Variants in PRKN observed in about 807,000 individuals in gnomAD.
PRKN encodes parkin RBR E3 ubiquitin protein ligase.
A neutral mutation model predicts 59.5 loss-of-function variants in PRKN; 56 were observed. The ratio of observed to expected loss-of-function variants is 0.94; its 90% CI spans 0.76 to 1.18. The LOEUF is 1.18. PRKN is among the 50% of genes most tolerant of loss of function. PRKN has a pLI of 0.00. For missense variants in PRKN, 657 were observed against 596.4 expected (o/e 1.10, Z -1.06); for synonymous variants, 250 against 222.1 (o/e 1.13, Z -1.12).
rs957116335 is a variant in PRKN at position 161,379,290 on chromosome 6, G to A, written c.1167+7504C>T. On this transcript the variant is annotated intron_variant, in intron 10 of 11. Coordinates refer to ENST00000366898, the MANE Select transcript of PRKN (RefSeq NM_004562.3). This position sits in a 1 kb window ranked among gnomAD's most constrained non-coding sequence, Gnocchi z 4.9. ...ACCCCACCAGGTAAGCCACCTAGAG[G>A]TCTTCTCTAAGGGCGAGGGGAATCT... Among the ~76,000 whole-genome samples, 1 of 152,152 alleles carries A rather than the reference G, an allele frequency of 6.6e-6. No individual in the cohort carries two copies. The highest frequency in any genetic ancestry group is 6.5e-5 in the Admixed American group (1 of 15,278).
intron 1 of PRKN, among the ~76,000 whole-genome samples, chr6:162,610,529 T>C (rs191868170): frequency 4.6e-5 from 7 of 152,320 alleles, no homozygotes; most frequent in Admixed American, 2.6e-4. Flanking sequence ...TAAAACCATT[T>C]ATACACAAAT....
chr6:162,568,827 G>A lies in PRKN; in HGVS notation c.8-125354C>T, dbSNP rs548699522. On this transcript the variant is annotated intron_variant, in intron 1 of 11. Coordinates refer to ENST00000366898, the MANE Select transcript of PRKN (RefSeq NM_004562.3). ...GCTTGGCAACATGCAGGGGCTGGTG[G>A]AGGACTTTAAGAACAAGTACAAGGA... The A allele has an allele frequency of 6.3e-5, 46 of 728,450 alleles. 1 individual carries two copies. Among genetic ancestry groups the A allele is most frequent in the Non-Finnish European group, 9.6e-5 (38 of 396,548 alleles). 45.1% of individuals were successfully genotyped at this position (728,450 alleles called of 1,614,324 possible). A position where few individuals can be genotyped will look rare whatever the true frequency, so the allele number is the denominator to read the frequency against.
chr6:161,350,438 C>G (rs980863281), intron 11 of PRKN, among the ~76,000 whole-genome samples: 6 of 151,348 alleles, frequency 4.0e-5, no homozygotes, highest in Non-Finnish European at 1.5e-5. Context: ...AAGCATGTCA[C>G]TTTTGTCGGG....
chr6:161,465,340 C>T (rs1790413296), intron 9 of PRKN, among the ~76,000 whole-genome samples: 1 of 152,112 alleles, frequency 6.6e-6, no homozygotes, highest in South Asian at 2.1e-4. Context: ...GTTCCTCATT[C>T]CTTCGTACAG....
intron 9 of PRKN, among the ~76,000 whole-genome samples, chr6:161,392,504 CCT>C (rs67425763): frequency 2.3e-3 from 327 of 145,024 alleles, no homozygotes; most frequent in East Asian, 9.0e-3. Flanking sequence ...ATAGTTCAAA[CCT>C]CTCTCTCTCT....
intron 2 of PRKN, chr6:162,264,819 T>C (rs1455114393): frequency 6.6e-6 from 1 of 152,142 alleles, no homozygotes; most frequent in East Asian, 1.9e-4. Context: ...CTCATTATCC[T>C]CCCATGTTTT....
intron 5 of PRKN, among the ~76,000 whole-genome samples, chr6:162,020,183 C>A (rs1783082031): frequency 6.6e-6 from 1 of 151,864 alleles, no homozygotes; most frequent in Non-Finnish European, 1.5e-5. Context: ...GTGGCTTGGT[C>A]AGGCTTAGAG....
At chr6:161,820,314 A>C (rs1225021876) in intron 6 of PRKN, among the ~76,000 whole-genome samples, 1 of 151,936 alleles carries the variant, frequency 6.6e-6, no homozygotes, top group East Asian at 1.9e-4. Flanking sequence ...TATAATTCAT[A>C]TCAAGAGTTT....
chr6:162,713,410 C>T (rs1159600936), intron 1 of PRKN, among the ~76,000 whole-genome samples: 4 of 144,970 alleles, frequency 2.8e-5, no homozygotes, highest in Admixed American at 7.3e-5. Flanking sequence ...AGGAGAATGG[C>T]GTGAACCCAG....
intron 4 of PRKN, among the ~76,000 whole-genome samples, chr6:162,189,762 T>C (rs929151948): frequency 1.3e-5 from 2 of 152,022 alleles, no homozygotes; most frequent in Non-Finnish European, 2.9e-5. Flanking sequence ...TTATGTCATA[T>C]TGGTTTATAC....
In PRKN at chr6:161,748,533, G is replaced by A. The variant is rs565741024; in HGVS notation, c.871+37239C>T. ...CTCCTCCTTCTATAGGGTCTGGTTC[G>A]CCTCCGACAGCAGAATCAGGGGCAG... is the stretch of plus-strand genomic sequence containing the variant. On this transcript the variant is annotated intron_variant, in intron 7 of 11. Coordinates refer to ENST00000366898, the MANE Select transcript of PRKN (RefSeq NM_004562.3). Among the ~76,000 whole-genome samples, 8 of 152,190 alleles carry A rather than the reference G, an allele frequency of 5.3e-5. No individual in the cohort carries two copies. The South Asian group carries it at 6.2e-4, about 12-fold the overall frequency.
intron 1 of PRKN, among the ~76,000 whole-genome samples, chr6:162,630,982 A>G (rs759911923): frequency 3.3e-5 from 5 of 152,186 alleles, no homozygotes; most frequent in African/African-American, 7.2e-5. Flanking sequence ...ATTGACTAGT[A>G]TAACTCAGGA....
intron 9 of PRKN, among the ~76,000 whole-genome samples, chr6:161,474,341 G>A (rs1790959065): frequency 6.6e-6 from 1 of 152,126 alleles, no homozygotes; most frequent in African/African-American, 2.4e-5. Flanking sequence ...CATAGACCAA[G>A]CCTCTTGTTT....
chr6:161,632,472 G>C (rs1313598107), intron 7 of PRKN, among the ~76,000 whole-genome samples: 1 of 152,064 alleles, frequency 6.6e-6, no homozygotes, highest in East Asian at 1.9e-4. Flanking sequence ...TGATCTTGCT[G>C]TTTTTCTTTA....
At chr6:161,842,728 C>T (rs1793039970) in intron 6 of PRKN, among the ~76,000 whole-genome samples, 1 of 152,032 alleles carries the variant, frequency 6.6e-6, no homozygotes, top group Non-Finnish European at 1.5e-5. Flanking sequence ...CCATGCCTGG[C>T]TAATTGAGAT....
chr6:161,864,630 TTTTGTTTG>T (rs201742637), intron 6 of PRKN, among the ~76,000 whole-genome samples: 10,762 of 151,974 alleles, frequency 0.071, 1,262 homozygotes, highest in African/African-American at 0.25. Flanking sequence ...CAAAAGGTGT[TTTTGTTTG>T]TTTGTTTGTT....
intron 7 of PRKN, among the ~76,000 whole-genome samples, chr6:161,673,614 G>A (rs1366353855): frequency 6.6e-6 from 1 of 152,174 alleles, no homozygotes; most frequent in African/African-American, 2.4e-5. Context: ...TGACTGCTCT[G>A]GCATCTGTTT....
At chr6:162,035,295 C>T (rs1202980355) in intron 5 of PRKN, among the ~76,000 whole-genome samples, 5 of 152,104 alleles carry the variant, frequency 3.3e-5, no homozygotes, top group South Asian at 2.1e-4. Context: ...CCCCATGACT[C>T]GAACATCTCC....
intron 6 of PRKN, among the ~76,000 whole-genome samples, chr6:161,885,751 T>C (rs1795124931): frequency 1.3e-5 from 2 of 149,798 alleles, no homozygotes; most frequent in Non-Finnish European, 3.0e-5. Context: ...TAAGAAAAAA[T>C]GAGGATAACT....
Sources: allele counts gnomAD v4.1 joint callset (sites outside exome capture counted in the v4.1 genomes callset), GRCh38; gene constraint gnomAD v4.1.1; non-coding constraint Gnocchi (gnomAD v3.1); transcripts MANE v1.5; gene names NCBI Gene and HGNC (gene_info 2026-07-23, HGNC 2026-07-21).